BTBD7: variants seen among roughly 807,000 people sequenced by gnomAD.
BTBD7 encodes BTB domain containing 7.
BTBD7 carries 38 observed loss-of-function variants against 99.9 expected under a neutral mutation model. The ratio of observed to expected loss-of-function variants is 0.38; its 90% CI spans 0.29 to 0.50. The LOEUF (loss-of-function observed/expected upper bound fraction) is 0.50. Among genes scored for constraint, BTBD7 ranks in the 20% least tolerant of loss-of-function variants. The pLI is 0.93. For synonymous variants in BTBD7, 520 were observed against 511.4 expected, an observed-to-expected ratio of 1.02 and a Z score of -0.23; for missense variants, 1,170 against 1,394.6, an observed-to-expected ratio of 0.84 and a Z score of 2.57.
intron 1 of BTBD7, among the ~76,000 whole-genome samples, chr14:93,297,536 T>C (rs3783891): frequency 0.075 from 11,476 of 152,288 alleles, 567 homozygotes; most frequent in Admixed American, 0.15. Flanking sequence ...TTGGCCAGGC[T>C]GGTCTTGAAC....
chr14:93,242,847 T>C lies in BTBD7; in HGVS notation c.2825A>G (p.Tyr942Cys). The change falls in exon 11 of 11, where the codon TAT (tyrosine) becomes TGT (cysteine). Residue 942 changes from tyrosine to cysteine, a missense_variant. This residue lies in a region of BTBD7 where 495 missense variants were observed against 525.9 expected (regional missense o/e 0.94). Coordinates refer to ENST00000334746, the MANE Select transcript of BTBD7 (RefSeq NM_001002860.4). ...KTDTRENPQE[Y>C]PDFYDFSNAA... The stretch of plus-strand genomic sequence containing the variant: ...ATTTGAGAAGTCATAGAAATCCGGA[T>C]ATTCCTGTGGATTTTCTCTGGTGTC... The C allele has an allele frequency of 6.2e-7, 1 of 1,614,116 alleles. No individual in the cohort carries two copies. Among genetic ancestry groups the C allele is most frequent in the South Asian group, 1.1e-5 (1 of 91,084 alleles).
intron 3 of BTBD7, among the ~76,000 whole-genome samples, chr14:93,276,189 A>G (rs1173258224): frequency 1.3e-5 from 2 of 152,252 alleles, no homozygotes; most frequent in African/African-American, 4.8e-5. Flanking sequence ...GCAGCACTCC[A>G]GCCTGGGCAA....
intron 1 of BTBD7, among the ~76,000 whole-genome samples, chr14:93,327,374 A>G (rs893814283): frequency 2.6e-5 from 4 of 152,222 alleles, no homozygotes; most frequent in Non-Finnish European, 4.4e-5. Flanking sequence ...ATACATCTGC[A>G]TAATTATTTG....
chr14:93,296,181 T>G, intron 1 of BTBD7, 24 bp from the exon 2 acceptor site: 1 of 1,278,936 alleles, frequency 7.8e-7, no homozygotes, highest in Middle Eastern at 3.0e-4. Flanking sequence ...AAAAATAATT[T>G]AATTCATTTT....
At position 93,332,866 on chromosome 14, in the gene BTBD7, G is replaced by A. The variant is rs1242944429; in HGVS notation, c.-153C>T. On this transcript the variant is annotated 5_prime_UTR_variant, in exon 1 of 11. In the 5' UTR this introduces an upstream ATG that the reference lacks. Transcript: ENST00000334746. ...TGCTGCTGCCGCTGGGACCGCTGCC[G>A]TCGCCTCCGCCGCCGCCGCCACCAG... 9 of 1,473,100 alleles carry A rather than the reference G, an allele frequency of 6.1e-6. No homozygotes were observed. Among genetic ancestry groups the A allele is most frequent in the Admixed American group, 2.4e-5 (1 of 42,286 alleles). 91.3% of individuals were successfully genotyped at this position (1,473,100 alleles called of 1,614,324 possible). A position where few individuals can be genotyped will look rare whatever the true frequency, so the allele number is the denominator to read the frequency against.
rs2052614500 is a variant in BTBD7 at position 93,272,832 on chromosome 14, T to C, written c.1163-8839A>G. Among the ~76,000 whole-genome samples the C allele has an allele frequency of 5.4e-5, 8 of 147,386 alleles. 1 individual carries two copies. The highest frequency in any genetic ancestry group is 2.7e-4 in the Admixed American group (4 of 14,560). On this transcript the variant is annotated intron_variant, in intron 3 of 10. Coordinates refer to ENST00000334746, the MANE Select transcript of BTBD7 (RefSeq NM_001002860.4). ...AGCTGCTTGGATGAATGCTCCTCTC[T>C]ACTATTTCTCAGGAGGACAATTCTG...
intron 3 of BTBD7, among the ~76,000 whole-genome samples, chr14:93,285,704 G>A (rs1022502250): frequency 1.3e-5 from 2 of 152,136 alleles, no homozygotes; most frequent in African/African-American, 4.8e-5. Context: ...CAGTATATAT[G>A]CTAAGGTCAT....
At chr14:93,249,160 A>T (rs754697916) in intron 8 of BTBD7, among the ~76,000 whole-genome samples, 51 of 151,734 alleles carry the variant, frequency 3.4e-4, no homozygotes, top group Non-Finnish European at 6.0e-4. Flanking sequence ...TATGCAAAGG[A>T]CACTGAGGGA....
chr14:93,242,371 C>A lies in BTBD7; in HGVS notation c.3301G>T (p.Ala1101Ser). ...CTTTCCAAATCTGTATTTCTCTGAGCTCCATGGCCCAGGGACTCACTGTCT... is the reference window on the plus strand; with the variant it reads ...CTTTCCAAATCTGTATTTCTCTGAGATCCATGGCCCAGGGACTCACTGTCT... ...LADSESLGHG[A>S]QRNTDLERED... is the part of the protein sequence containing the mutation. The change falls in exon 11 of 11, where the codon GCT becomes TCT. Residue 1101 changes from alanine (A) to serine (S), a missense_variant. By Grantham distance (99) the Ala-to-Ser change is moderately conservative. This residue lies in a region of BTBD7 where 495 missense variants were observed against 525.9 expected (regional missense o/e 0.94). Coordinates refer to ENST00000334746, the MANE Select transcript of BTBD7 (RefSeq NM_001002860.4). 1 of 1,614,198 alleles carries A rather than the reference C, an allele frequency of 6.2e-7. No individual in the cohort carries two copies. Among genetic ancestry groups the A allele is most frequent in the Non-Finnish European group, 8.5e-7 (1 of 1,180,042 alleles).
At chr14:93,328,098 A>C (rs2053354214) in intron 1 of BTBD7, among the ~76,000 whole-genome samples, 1 of 152,172 alleles carries the variant, frequency 6.6e-6, no homozygotes, top group Non-Finnish European at 1.5e-5. Flanking sequence ...ACTGAAAACT[A>C]AAAAACACTG....
chr14:93,320,933 T>C (rs1397038185), intron 1 of BTBD7, among the ~76,000 whole-genome samples: 1 of 152,200 alleles, frequency 6.6e-6, no homozygotes, highest in Non-Finnish European at 1.5e-5. Flanking sequence ...TTAAAAATGA[T>C]CTATATTTTA....
At chr14:93,306,977 T>C (rs1439759551) in intron 1 of BTBD7, among the ~76,000 whole-genome samples, 2 of 152,214 alleles carry the variant, frequency 1.3e-5, no homozygotes, top group Admixed American at 1.3e-4. Flanking sequence ...CATGCCCCTC[T>C]GCCAAGAAAA....
intron 1 of BTBD7, among the ~76,000 whole-genome samples, chr14:93,313,375 G>C (rs537197863): frequency 6.6e-6 from 1 of 152,170 alleles, no homozygotes; most frequent in Non-Finnish European, 1.5e-5. Flanking sequence ...TGCAAATGAA[G>C]ATTAGTTAGT....
At chr14:93,277,868 A>T (rs2052673712) in intron 3 of BTBD7, among the ~76,000 whole-genome samples, 2 of 152,222 alleles carry the variant, frequency 1.3e-5, no homozygotes, top group African/African-American at 4.8e-5. Flanking sequence ...AGAAACAGTG[A>T]CAACCCAAAT....
chr14:93,289,435 C>T (rs1338390498), intron 3 of BTBD7, among the ~76,000 whole-genome samples: 1 of 152,220 alleles, frequency 6.6e-6, no homozygotes, highest in African/African-American at 2.4e-5. Flanking sequence ...GCCTGAGCCA[C>T]GCCAGAGCTC....
chr14:93,240,803 T>A lies in BTBD7; in HGVS notation c.*1470A>T, dbSNP rs2052216733. The A allele has an allele frequency of 1.3e-5, 2 of 152,648 alleles. No individual in the cohort carries two copies. The highest frequency in any genetic ancestry group is 2.4e-5 in the African/African-American group (1 of 41,452). The allele number at this position is 152,648 out of a possible 1,614,324, so 9.5% of individuals were successfully genotyped here. On this transcript the variant is annotated 3_prime_UTR_variant, in exon 11 of 11. Coordinates refer to ENST00000334746, the MANE Select transcript of BTBD7 (RefSeq NM_001002860.4). ...GAGGATCCTGAAAGACCCCATGTGC[T>A]CAGTGGTTTAGTAAATGCCAAACCA... is the stretch of plus-strand genomic sequence containing the variant.
At chr14:93,301,756 A>C (rs1359761125) in intron 1 of BTBD7, among the ~76,000 whole-genome samples, 1 of 152,102 alleles carries the variant, frequency 6.6e-6, no homozygotes, top group African/African-American at 2.4e-5. Flanking sequence ...CTAATACTTC[A>C]CTCCTGTCAA....
At chr14:93,262,511 A>C (rs1394622475) in intron 4 of BTBD7, among the ~76,000 whole-genome samples, 1 of 152,056 alleles carries the variant, frequency 6.6e-6, no homozygotes, top group Admixed American at 6.6e-5. Flanking sequence ...ATTTTATCTT[A>C]CTATGTGGTT....
chr14:93,265,651 G>C (rs989348445), intron 3 of BTBD7, among the ~76,000 whole-genome samples: 7 of 152,256 alleles, frequency 4.6e-5, no homozygotes, highest in African/African-American at 1.7e-4. Context: ...GCCGGGTGCG[G>C]CGGCGCACGC....
Sources: gnomAD v4.1 joint callset for allele counts (sites outside exome capture counted in the v4.1 genomes callset) on GRCh38, gnomAD v4.1.1 for gene constraint, gnomAD v4.1.1 regional missense constraint, MANE v1.5 for transcripts, NCBI Gene and HGNC (gene_info 2026-07-23, HGNC 2026-07-21) for gene names.